C1QTNF3: variants seen among roughly 807,000 people sequenced by gnomAD.
C1QTNF3 encodes the protein C1q and TNF related 3, also known as complement C1q tumor necrosis factor-related protein 3.
A neutral mutation model predicts 32.6 loss-of-function variants in C1QTNF3; 26 were observed. The ratio of observed to expected loss-of-function variants is 0.80; its 90% CI spans 0.58 to 1.11. The LOEUF is 1.11. Ranked by LOEUF, C1QTNF3 falls within the 50% of genes least tolerant of loss-of-function variation. The pLI, the probability that C1QTNF3 is intolerant of heterozygous loss-of-function variation, is 0.00. For synonymous variants in C1QTNF3, 155 were observed against 146.0 expected, an observed-to-expected ratio of 1.06 and a Z score of -0.44; for missense variants, 362 against 398.2, an observed-to-expected ratio of 0.91 and a Z score of 0.77.
chr5:34,081,398 A>G, the C1QTNF3 span, among the ~76,000 whole-genome samples: 2 of 151,746 alleles, frequency 1.3e-5, no homozygotes, highest in African/African-American at 4.9e-5. Flanking sequence ...TCCAATTTTG[A>G]ATCCAAAATT....
rs766726884 is a variant in C1QTNF3, at chr5:34,028,902, G to C, written c.571-19C>G. 5.0e-6 allele frequency: 8 copies of C among 1,599,732 alleles called. No individual in the cohort carries two copies. The South Asian group carries it at 9.0e-5, about 18-fold the overall frequency. On this transcript the variant is annotated intron_variant, in intron 3 of 5. Transcript: ENST00000382065. ...ATGCAATCTAAGGAAAGAATTATTGGTCAATAAATAGGCAATTTATCTTAA... is the reference window on the plus strand; with the variant it reads ...ATGCAATCTAAGGAAAGAATTATTGCTCAATAAATAGGCAATTTATCTTAA...
chr5:34,161,450 CTG>C, the C1QTNF3 span, among the ~76,000 whole-genome samples: 1 of 152,076 alleles, frequency 6.6e-6, no homozygotes, highest in African/African-American at 2.4e-5. Context: ...AATTCAAAAA[CTG>C]TATATATAAA....
chr5:34,074,551 C>T, the C1QTNF3 span, among the ~76,000 whole-genome samples: 1 of 151,708 alleles, frequency 6.6e-6, no homozygotes, highest in Non-Finnish European at 1.5e-5. Context: ...ACTACTCTCA[C>T]ACTCAGTTTC....
chr5:34,122,096 A>G, the C1QTNF3 span, among the ~76,000 whole-genome samples: 1 of 152,228 alleles, frequency 6.6e-6, no homozygotes, highest in South Asian at 2.1e-4. Flanking sequence ...AATTAGTACT[A>G]AAGAGTGGGG....
chr5:34,217,815 C>T, the C1QTNF3 span, among the ~76,000 whole-genome samples: 406 of 152,008 alleles, frequency 2.7e-3, 2 homozygotes, highest in Non-Finnish European at 4.0e-3. Flanking sequence ...GCAAAAATAG[C>T]AACATTAAAA....
the C1QTNF3 span, among the ~76,000 whole-genome samples, chr5:34,197,733 G>C: frequency 6.6e-6 from 1 of 152,048 alleles, no homozygotes; most frequent in African/African-American, 2.4e-5. Flanking sequence ...GTCTTAGTTT[G>C]TTTGCACTGT....
At chr5:34,033,627 C>T (rs1291667744) in intron 2 of C1QTNF3, among the ~76,000 whole-genome samples, 169 bp from the exon 3 acceptor site, 1 of 152,150 alleles carries the variant, frequency 6.6e-6, no homozygotes, top group Non-Finnish European at 1.5e-5. Flanking sequence ...TGAAAGAAGC[C>T]TTAGATACCC....
At chr5:34,044,981 G>A (rs1278682512), upstream of C1QTNF3, among the ~76,000 whole-genome samples, 1 of 152,168 alleles carries the variant, frequency 6.6e-6, no homozygotes, top group Non-Finnish European at 1.5e-5. Context: ...GCCTGTGTTT[G>A]GAGGGTGAGC....
chr5:34,164,575 G>A, the C1QTNF3 span: 3 of 151,592 alleles, frequency 2.0e-5, no homozygotes, highest in Admixed American at 6.6e-5. Flanking sequence ...TGAAAGTGTC[G>A]AAAGGGACTT....
chr5:34,101,458 A>G, the C1QTNF3 span, among the ~76,000 whole-genome samples: 93 of 152,074 alleles, frequency 6.1e-4, no homozygotes, highest in Admixed American at 1.9e-3. Context: ...ATTTCTTGGC[A>G]TGGAATTAAT....
At chr5:34,102,829 G>A in the C1QTNF3 span, among the ~76,000 whole-genome samples, 4 of 152,014 alleles carry the variant, frequency 2.6e-5, no homozygotes, top group African/African-American at 7.3e-5. Context: ...ACCGGGGCCT[G>A]TTGTGGGGTG....
chr5:34,051,354 C>T, the C1QTNF3 span, among the ~76,000 whole-genome samples: 1 of 152,270 alleles, frequency 6.6e-6, no homozygotes, highest in South Asian at 2.1e-4. Context: ...TGTGTTATTA[C>T]TTAATACTCT....
chr5:34,174,892 C>G, the C1QTNF3 span, among the ~76,000 whole-genome samples: 1 of 151,402 alleles, frequency 6.6e-6, no homozygotes, highest in Non-Finnish European at 1.5e-5. Flanking sequence ...GGACTACAGG[C>G]GCCCACCACC....
chr5:34,176,026 C>T, the C1QTNF3 span: 1 of 646,138 alleles, frequency 1.5e-6, no homozygotes, highest in Non-Finnish European at 2.8e-6. Context: ...AATAAAGATC[C>T]ACTTGATGGT....
Position 34,023,969 on chromosome 5 carries a change from T to A in C1QTNF3, c.740A>T (p.Asp247Val). Residue 247 changes from aspartate to valine, a missense_variant, in exon 5 of 6, where the codon GAT becomes GTT. Asp to Val is a radical substitution (Grantham distance 152). Coordinates refer to ENST00000382065, the MANE Select transcript of C1QTNF3 (RefSeq NM_181435.6). ...FFTFSMMKHE[D>V]VEEVYVYLMH... ...AAGGTACACATACACTTCCTCAACA[T>A]CCTCATGCTTCATCATGCTGAAGGT... The A allele has an allele frequency of 6.2e-7, 1 of 1,614,032 alleles. No homozygotes were observed. The highest frequency in any genetic ancestry group is 1.1e-5 in the South Asian group (1 of 91,076).
chr5:34,242,924 AGGGGAACAACACACAAT>A, the C1QTNF3 span, among the ~76,000 whole-genome samples: 15 of 148,244 alleles, frequency 1.0e-4, no homozygotes, highest in East Asian at 2.4e-3. Flanking sequence ...GGACACAGGG[AGGGGAACAACACACAAT>A]GGGGAACAAC....
the C1QTNF3 span, among the ~76,000 whole-genome samples, chr5:34,196,366 G>A: frequency 6.6e-6 from 1 of 152,372 alleles, no homozygotes; most frequent in African/African-American, 2.4e-5. Context: ...TCAAACTCCT[G>A]AGCTCAAGTT....
the C1QTNF3 span, among the ~76,000 whole-genome samples, chr5:34,238,411 G>A: frequency 1.5e-4 from 23 of 152,148 alleles, no homozygotes; most frequent in Admixed American, 1.5e-3. Context: ...AGTGCTGAAA[G>A]ATGAAACTGC....
chr5:34,112,053 G>A, the C1QTNF3 span, among the ~76,000 whole-genome samples: 9 of 152,288 alleles, frequency 5.9e-5, no homozygotes, highest in South Asian at 1.9e-3. Context: ...CCATAGAGAT[G>A]TGTCACACTG....
Sources: allele counts gnomAD v4.1 joint callset (sites outside exome capture counted in the v4.1 genomes callset), GRCh38; gene constraint gnomAD v4.1.1; transcripts MANE v1.5; gene names NCBI Gene and HGNC (gene_info 2026-07-23, HGNC 2026-07-21).